The following CNTNAP2 variants were observed in gnomAD, a reference collection of about 807,000 sequenced individuals.
CNTNAP2 encodes the protein contactin associated protein 2, also known as contactin-associated protein-like 2.
CNTNAP2 carries 98 observed loss-of-function variants against 155.2 expected under a neutral mutation model. The ratio of observed to expected loss-of-function variants is 0.63; its 90% confidence interval spans 0.54 to 0.75. The LOEUF (loss-of-function observed/expected upper bound fraction) is 0.75. Ranked by LOEUF, CNTNAP2 falls within the 30% of genes least tolerant of loss-of-function variation. The probability of loss-of-function intolerance (pLI) is 0.00; values close to 1 mark genes in which losing one functional copy is unlikely to be tolerated. For missense variants in CNTNAP2, 1,727 were observed against 1,688.1 expected (o/e 1.02, Z -0.40); for synonymous variants, 651 against 631.2 (o/e 1.03, Z -0.47).
chr7:148,144,746 GA>G (rs1805143393), intron 16 of CNTNAP2, among the ~76,000 whole-genome samples: 2 of 152,148 alleles, frequency 1.3e-5, no homozygotes, highest in South Asian at 2.1e-4. Flanking sequence ...CGGTATATAA[GA>G]AATTCCTTTT....
chr7:146,911,440 A>C (rs1444605658), intron 3 of CNTNAP2, among the ~76,000 whole-genome samples: 1 of 152,056 alleles, frequency 6.6e-6, no homozygotes, highest in Non-Finnish European at 1.5e-5. Context: ...GATTAAGAAA[A>C]TGTGGCACAT....
At chr7:147,822,103 G>A (rs1798371631) in intron 13 of CNTNAP2, among the ~76,000 whole-genome samples, 1 of 152,098 alleles carries the variant, frequency 6.6e-6, no homozygotes, top group East Asian at 1.9e-4. Context: ...AGTCTTCTAT[G>A]GTCTGACAAG....
Position 146,134,815 on chromosome 7 carries a change from G to C in CNTNAP2, c.97+17842G>C, listed in dbSNP as rs553750861. 5.0e-3 allele frequency among the ~76,000 whole-genome samples: 753 copies of C among 151,888 alleles called. 5 individuals carry two copies. Among genetic ancestry groups the C allele is most frequent in the African/African-American group, 0.017 (714 of 41,418 alleles). On this transcript the variant is annotated intron_variant, in intron 1 of 23. Transcript: ENST00000361727. The stretch of plus-strand genomic sequence containing the variant: ...ATGTGCTGCTGGATTCGGTTTGCCA[G>C]TATTTTATTGAGGATTTTTGCATCA...
chr7:147,712,494 T>C (rs145719784), intron 13 of CNTNAP2, among the ~76,000 whole-genome samples: 2,515 of 152,132 alleles, frequency 0.017, 224 homozygotes, highest in Admixed American at 0.15. Context: ...TTGGAACCAA[T>C]CCAAATGCCC....
chr7:147,560,168 CAAAAAAA>C (rs71183016), intron 11 of CNTNAP2, among the ~76,000 whole-genome samples: 11 of 52,822 alleles, frequency 2.1e-4, no homozygotes, highest in Middle Eastern at 0.012. Context: ...AACTCCGTCT[CAAAAAAA>C]AAAAAAAAAA....
chr7:146,138,930 T>C (rs1334102354), intron 1 of CNTNAP2, among the ~76,000 whole-genome samples: 2 of 152,198 alleles, frequency 1.3e-5, no homozygotes, highest in African/African-American at 2.4e-5. Flanking sequence ...CAGTTTGCAA[T>C]TGGGTCCCTA....
chr7:147,242,602 C>T (rs1435081172), intron 8 of CNTNAP2, among the ~76,000 whole-genome samples: 4 of 152,262 alleles, frequency 2.6e-5, no homozygotes, highest in Admixed American at 2.0e-4. Context: ...GTACCCCGAT[C>T]GTTTTGCTGC....
At chr7:147,147,133 C>G (rs933663841) in intron 8 of CNTNAP2, among the ~76,000 whole-genome samples, 1 of 152,106 alleles carries the variant, frequency 6.6e-6, no homozygotes, top group African/African-American at 2.4e-5. Flanking sequence ...TGGAACTTTT[C>G]ACATGGCAGC....
intron 1 of CNTNAP2, among the ~76,000 whole-genome samples, chr7:146,195,899 T>TAA (rs1798768217): frequency 6.6e-6 from 1 of 152,210 alleles, no homozygotes; most frequent in South Asian, 2.1e-4. Flanking sequence ...TGGAAACATG[T>TAA]AAGTCAAACT....
intron 13 of CNTNAP2, among the ~76,000 whole-genome samples, chr7:147,812,752 A>T (rs1798201325): frequency 6.6e-6 from 1 of 152,146 alleles, no homozygotes; most frequent in Non-Finnish European, 1.5e-5. Flanking sequence ...CTTTTTAAAA[A>T]ATGCTTGTTT....
chr7:146,939,641 A>G (rs1338484560), intron 3 of CNTNAP2, among the ~76,000 whole-genome samples: 1 of 152,104 alleles, frequency 6.6e-6, no homozygotes, highest in Non-Finnish European at 1.5e-5. Flanking sequence ...ATTATACTTC[A>G]TTCTTAACCC....
chr7:147,300,390 C>A, intron 9 of CNTNAP2, 100 bp downstream of exon 9: 1 of 1,314,542 alleles, frequency 7.6e-7, no homozygotes, highest in Non-Finnish European at 1.1e-6. Flanking sequence ...TCAACTGACT[C>A]AGTAGATCTC....
At chr7:146,857,689 C>A (rs1046875795) in intron 3 of CNTNAP2, among the ~76,000 whole-genome samples, 10 of 152,240 alleles carry the variant, frequency 6.6e-5, no homozygotes, top group Admixed American at 5.9e-4. Context: ...GTGTGGGTGT[C>A]TGAATTGACA....
At chr7:147,522,768 CAAAAAAAAAACAAAAAAACAA>C in intron 11 of CNTNAP2, among the ~76,000 whole-genome samples, 1 of 93,296 alleles carries the variant, frequency 1.1e-5, no homozygotes, top group Non-Finnish European at 2.2e-5. Context: ...TCTGGCCCAG[CAAAAAAAAAACAAAAAAACAA>C]AAAAAAAAAA....
chr7:147,590,876 G>A (rs1800723142), intron 12 of CNTNAP2, among the ~76,000 whole-genome samples: 1 of 152,180 alleles, frequency 6.6e-6, no homozygotes, highest in Non-Finnish European at 1.5e-5. Context: ...GAACATCCAA[G>A]TATCTGAGGA....
chr7:146,193,202 A>C (rs1191380296), intron 1 of CNTNAP2, among the ~76,000 whole-genome samples: 1 of 152,156 alleles, frequency 6.6e-6, no homozygotes, highest in Non-Finnish European at 1.5e-5. Context: ...GTAAGCTGTC[A>C]GTGGTTCTAA....
chr7:147,866,268 T>C (rs1799224674), intron 13 of CNTNAP2, among the ~76,000 whole-genome samples: 2 of 132,446 alleles, frequency 1.5e-5, no homozygotes, highest in South Asian at 5.2e-4. Context: ...TCTAAATTGA[T>C]TGCACTGTGG....
intron 14 of CNTNAP2, among the ~76,000 whole-genome samples, chr7:147,904,900 TAC>T (rs58242194): frequency 0.45 from 67,535 of 148,958 alleles, 16,128 homozygotes; most frequent in African/African-American, 0.63. Flanking sequence ...AAGATGTATC[TAC>T]ACACACACAC....
At chr7:148,317,763 C>T (rs1456724011) in intron 21 of CNTNAP2, among the ~76,000 whole-genome samples, 2 of 151,108 alleles carry the variant, frequency 1.3e-5, no homozygotes, top group African/African-American at 4.9e-5. Context: ...TGCAGTGGTG[C>T]GATCTCGGCT....
Sources: allele counts gnomAD v4.1 joint callset (sites outside exome capture counted in the v4.1 genomes callset), GRCh38; gene constraint gnomAD v4.1.1; transcripts MANE v1.5; gene names NCBI Gene and HGNC (gene_info 2026-07-23, HGNC 2026-07-21).